SNTB1: variants seen among roughly 807,000 people sequenced by gnomAD.
The protein encoded by SNTB1 is syntrophin beta 1.
A neutral mutation model predicts 48.9 loss-of-function variants in SNTB1; 36 were observed. The observed-to-expected ratio is 0.74, with a 90% CI of 0.56 to 0.97. SNTB1 has a LOEUF of 0.97. SNTB1 is among the 50% of genes least tolerant of loss of function. The pLI is 0.00. For missense variants in SNTB1, 786 were observed against 703.4 expected (o/e 1.12, Z -1.33); for synonymous variants, 299 against 294.6 (o/e 1.01, Z -0.15).
chr8:120,795,484 T>C (rs1279353001), intron 1 of SNTB1, among the ~76,000 whole-genome samples: 1 of 151,990 alleles, frequency 6.6e-6, no homozygotes, highest in African/African-American at 2.4e-5. Flanking sequence ...GAACACTTAG[T>C]AAAGACAGGT....
At chr8:120,811,133 C>T (rs1016901189) in intron 1 of SNTB1, 140 bp downstream of exon 1, 5 of 1,121,928 alleles carry the variant, frequency 4.5e-6, no homozygotes, top group South Asian at 1.8e-5. Flanking sequence ...GCCACCCTTC[C>T]CCCCCCCCCA....
intron 1 of SNTB1, among the ~76,000 whole-genome samples, chr8:120,728,828 C>T (rs1818804468): frequency 6.6e-6 from 1 of 152,086 alleles, no homozygotes; most frequent in African/African-American, 2.4e-5. Flanking sequence ...TTTGGTAGAA[C>T]ATTTTGTTTT....
intron 1 of SNTB1, among the ~76,000 whole-genome samples, chr8:120,696,772 A>G (rs1818217592): frequency 6.6e-6 from 1 of 152,214 alleles, no homozygotes; most frequent in Non-Finnish European, 1.5e-5. Flanking sequence ...ATTTTAGCTT[A>G]TGTAAAGTTA....
chr8:120,548,977 A>C lies in SNTB1; in HGVS notation c.1137-19T>G. On this transcript the variant is annotated intron_variant, in intron 4 of 6. Coordinates refer to ENST00000517992, the MANE Select transcript of SNTB1 (RefSeq NM_021021.4). ...GACCAGCCTGGAGAGAGAGAGAGAG[A>C]GACATCATCAAAATGGAGACTAGTT... The C allele has an allele frequency of 6.5e-7, 1 of 1,528,790 alleles. No individual in the cohort carries two copies. The highest frequency in any genetic ancestry group is 8.8e-7 in the Non-Finnish European group (1 of 1,139,300). The allele number at this position is 1,528,790 out of a possible 1,614,324, so 94.7% of individuals were successfully genotyped here.
intron 1 of SNTB1, among the ~76,000 whole-genome samples, chr8:120,749,381 C>T (rs1487168078): frequency 1.3e-5 from 2 of 152,180 alleles, no homozygotes; most frequent in African/African-American, 2.4e-5. Flanking sequence ...TTTCACTGTA[C>T]ACTAGCAGTT....
intron 3 of SNTB1, among the ~76,000 whole-genome samples, chr8:120,627,388 A>G (rs528971720): frequency 6.6e-6 from 1 of 152,300 alleles, no homozygotes; most frequent in African/African-American, 2.4e-5. Flanking sequence ...ATGTGATTGC[A>G]GTCTCTGTAG....
intron 3 of SNTB1, among the ~76,000 whole-genome samples, chr8:120,576,328 TA>T (rs1373095467): frequency 1.3e-5 from 2 of 152,228 alleles, no homozygotes; most frequent in Non-Finnish European, 2.9e-5. Context: ...AATTAGACAG[TA>T]AGCTAAATAA....
intron 2 of SNTB1, among the ~76,000 whole-genome samples, chr8:120,640,354 A>T (rs1393389064): frequency 6.6e-6 from 1 of 152,152 alleles, no homozygotes; most frequent in Non-Finnish European, 1.5e-5. Context: ...TCATTTCCTA[A>T]TTGAATACCC....
rs1222319033 is a variant in SNTB1, at chr8:120,729,007, G to T, written c.572-35099C>A. ...GACCTTTTTTTTTTTTTGAAATGGG[G>T]TCTCACCCTGTCCCCAGGCTGGAGT... On this transcript the variant is annotated intron_variant, in intron 1 of 6. Transcript: ENST00000517992. Among the ~76,000 whole-genome samples the T allele has an allele frequency of 8.6e-5, 13 of 150,906 alleles. No individual in the cohort carries two copies. In the East Asian group the frequency reaches 1.7e-3, roughly 20 times the overall value.
chr8:120,780,084 TAA>T (rs71571678), intron 1 of SNTB1, among the ~76,000 whole-genome samples: 6 of 135,330 alleles, frequency 4.4e-5, no homozygotes, highest in African/African-American at 8.3e-5. Flanking sequence ...ATGATCTAGT[TAA>T]AAAAAAAAAA....
rs1815577168 is a variant in SNTB1 at position 120,557,056 on chromosome 8, G to T, written c.1137-8098C>A. On this transcript the variant is annotated intron_variant, in intron 4 of 6. Coordinates refer to ENST00000517992, the MANE Select transcript of SNTB1 (RefSeq NM_021021.4). ...AAAGGAGAGGAAGTTTATACAGGGA[G>T]TCAAAACAGTATTCAAAAGAAATAG... 2.6e-5 allele frequency among the ~76,000 whole-genome samples: 4 copies of T among 152,192 alleles called. No individual in the cohort carries two copies. In the South Asian group the frequency reaches 8.3e-4, roughly 32 times the overall value.
intron 1 of SNTB1, among the ~76,000 whole-genome samples, chr8:120,751,072 A>G (rs1819206030): frequency 6.6e-6 from 1 of 152,208 alleles, no homozygotes; most frequent in South Asian, 2.1e-4. Context: ...TGTCAGCTTT[A>G]GAGAACAAGG....
intron 3 of SNTB1, among the ~76,000 whole-genome samples, chr8:120,630,669 T>A (rs571194191): frequency 6.6e-6 from 1 of 152,288 alleles, no homozygotes; most frequent in South Asian, 2.1e-4. Context: ...GCTTCCCTGG[T>A]ATCCATTCAT....
At chr8:120,600,090 T>C (rs1332788922) in intron 3 of SNTB1, among the ~76,000 whole-genome samples, 7 of 152,236 alleles carry the variant, frequency 4.6e-5, no homozygotes, top group Non-Finnish European at 7.3e-5. Flanking sequence ...CCTGTCTGTG[T>C]GGCAGTTTAA....
At chr8:120,637,899 T>C in intron 2 of SNTB1, 1 of 226,634 alleles carries the variant, frequency 4.4e-6, no homozygotes, top group South Asian at 7.5e-5. Flanking sequence ...TAAAATCCTG[T>C]AAGGTAATGT....
chr8:120,586,355 G>A (rs1275260162), intron 3 of SNTB1, among the ~76,000 whole-genome samples: 1 of 152,160 alleles, frequency 6.6e-6, no homozygotes, highest in Non-Finnish European at 1.5e-5. Context: ...CTATAGTGCT[G>A]GAAGTCAGAC....
intron 1 of SNTB1, among the ~76,000 whole-genome samples, chr8:120,729,294 A>G (rs1210918481): frequency 1.3e-5 from 2 of 152,202 alleles, no homozygotes; most frequent in East Asian, 3.9e-4. Flanking sequence ...TGACGTTTTA[A>G]TAATAGTCAT....
rs145057331 is a variant in SNTB1 at position 120,789,111 on chromosome 8, T to C, written c.571+22162A>G. The stretch of plus-strand genomic sequence containing the variant: ...GTAACCTTCAAACCATACAAATACA[T>C]AGTGATTAAACAAATCTGCTCCAGA... On this transcript the variant is annotated intron_variant, in intron 1 of 6. Transcript: ENST00000517992. Among the ~76,000 whole-genome samples, 23 of 152,048 alleles carry C rather than the reference T, an allele frequency of 1.5e-4. No individual in the cohort carries two copies. The East Asian group carries it at 4.3e-3, about 28-fold the overall frequency.
At chr8:120,659,697 C>T (rs926255282) in intron 2 of SNTB1, among the ~76,000 whole-genome samples, 6 of 152,120 alleles carry the variant, frequency 3.9e-5, no homozygotes, top group East Asian at 1.9e-4. Context: ...CCTTATGAAA[C>T]ATATTTAAGA....
Sources: gnomAD v4.1 joint callset for allele counts (sites outside exome capture counted in the v4.1 genomes callset) on GRCh38, gnomAD v4.1.1 for gene constraint, MANE v1.5 for transcripts, NCBI Gene and HGNC (gene_info 2026-07-23, HGNC 2026-07-21) for gene names.